GAD2: variants seen among roughly 807,000 people sequenced by gnomAD.
GAD2 encodes glutamate decarboxylase 2, also known as 65 kDa glutamic acid decarboxylase.
A neutral mutation model predicts 80.1 loss-of-function variants in GAD2; 22 were observed. That is an observed-to-expected ratio of 0.27 (90% CI 0.20 to 0.39). GAD2 has a LOEUF of 0.39. Among genes scored for constraint, GAD2 ranks in the 10% least tolerant of loss-of-function variants. GAD2 has a pLI of 1.00. For missense variants in GAD2, 624 were observed against 738.4 expected (o/e 0.85, Z 1.80); for synonymous variants, 274 against 256.9 (o/e 1.07, Z -0.64).
rs374776089 is a variant in GAD2, at chr10:26,269,482, G to A, written c.975+309G>A. Among the ~76,000 whole-genome samples, 7 of 152,332 alleles carry A rather than the reference G, an allele frequency of 4.6e-5. No individual in the cohort carries two copies. In the East Asian group the frequency reaches 9.6e-4, roughly 21 times the overall value. ...CATTTGAAAGAATATTTTCAGAGGCGGGGAAATAGCAGAATGCTAATGCAG... is the reference window on the plus strand; with the variant it reads ...CATTTGAAAGAATATTTTCAGAGGCAGGGAAATAGCAGAATGCTAATGCAG... On this transcript the variant is annotated intron_variant, in intron 9 of 15. Coordinates refer to ENST00000376261, the MANE Select transcript of GAD2 (RefSeq NM_001134366.2).
intron 8 of GAD2, among the ~76,000 whole-genome samples, chr10:26,258,061 A>G (rs1164433452): frequency 6.6e-6 from 1 of 152,216 alleles, no homozygotes; most frequent in Non-Finnish European, 1.5e-5. Flanking sequence ...GCCCTATCTC[A>G]GGAAGGACTA....
chr10:26,280,886 A>G lies in GAD2; in HGVS notation c.1158-123A>G. 3 of 606,404 alleles carry G rather than the reference A, an allele frequency of 4.9e-6. No individual in the cohort carries two copies. In the East Asian group the frequency reaches 8.6e-5, roughly 17 times the overall value. 37.6% of individuals were successfully genotyped at this position (606,404 alleles called of 1,614,324 possible). ...TATTTAATTTTTAAAATTAAAATAA[A>G]TAAATACATTTAGTGTCAATCTGGA... On this transcript the variant is annotated intron_variant, in intron 11 of 15. Coordinates refer to ENST00000376261, the MANE Select transcript of GAD2 (RefSeq NM_001134366.2).
chr10:26,233,878 G>T (rs960677675), intron 7 of GAD2, among the ~76,000 whole-genome samples: 3 of 152,192 alleles, frequency 2.0e-5, no homozygotes, highest in African/African-American at 4.8e-5. Context: ...CATGGGTCAA[G>T]ACAGACGCTG....
rs1338955637 is a variant in GAD2 at position 26,304,027 on chromosome 10, C to G, written c.*3066C>G. The G allele has an allele frequency of 6.6e-6, 1 of 152,154 alleles. No homozygotes were observed. Among genetic ancestry groups the G allele is most frequent in the Non-Finnish European group, 1.5e-5 (1 of 68,028 alleles). 9.4% of individuals were successfully genotyped at this position (152,154 alleles called of 1,614,324 possible). A position where few individuals can be genotyped will look rare whatever the true frequency, so the allele number is the denominator to read the frequency against. ...TAACTATATGCCCTCCACATCGGCT[C>G]TAATAGAGAACATGCCCTCAGCTAA... On this transcript the variant is annotated 3_prime_UTR_variant, in exon 16 of 16. Transcript: ENST00000376261.
At chr10:26,225,161 G>GCT (rs1844504825) in intron 6 of GAD2, among the ~76,000 whole-genome samples, 1 of 152,194 alleles carries the variant, frequency 6.6e-6, no homozygotes, top group Non-Finnish European at 1.5e-5. Flanking sequence ...AGAACGCTTT[G>GCT]GGAGAGAATT....
At position 26,286,365 on chromosome 10, in the gene GAD2, C is replaced by T. The variant is rs770247615; in HGVS notation, c.1257C>T (p.Asn419=). 2.2e-5 allele frequency: 35 copies of T among 1,613,358 alleles called. No homozygotes were observed. Among genetic ancestry groups the T allele is most frequent in the Non-Finnish European group, 2.8e-5 (33 of 1,179,814 alleles). Reference sequence around the variant, plus strand: ...TGTAGGGATTGATGCAGAATTGCAACCAAATGCATGCCTCCTACCTCTTTC... The same window carrying T: ...TGTAGGGATTGATGCAGAATTGCAATCAAATGCATGCCTCCTACCTCTTTC... The part of the protein sequence containing the change: ...VREEGLMQNC[N]QMHASYLFQQ... The change falls in exon 13 of 16, where the codon AAC becomes AAT. Residue 419 remains asparagine (N), a synonymous_variant. Coordinates refer to ENST00000376261, the MANE Select transcript of GAD2 (RefSeq NM_001134366.2).
intron 7 of GAD2, among the ~76,000 whole-genome samples, chr10:26,238,973 G>A (rs1366835855): frequency 1.3e-5 from 2 of 151,670 alleles, no homozygotes; most frequent in East Asian, 1.9e-4. Flanking sequence ...GATTGGCCCC[G>A]GGGGATGGTG....
intron 15 of GAD2, among the ~76,000 whole-genome samples, chr10:26,293,271 G>A (rs896143842): frequency 1.4e-5 from 2 of 142,154 alleles, no homozygotes; most frequent in Non-Finnish European, 3.0e-5. Context: ...TCCACCTCCC[G>A]GGTTCAAGCG....
At chr10:26,220,081 A>G (rs183021240) in intron 4 of GAD2, among the ~76,000 whole-genome samples, 1 of 152,232 alleles carries the variant, frequency 6.6e-6, no homozygotes, top group Admixed American at 6.5e-5. Flanking sequence ...CTTTCATGTT[A>G]TCTACACAAA....
chr10:26,242,470 C>T (rs546091724), intron 7 of GAD2, among the ~76,000 whole-genome samples: 144 of 152,224 alleles, frequency 9.5e-4, no homozygotes, highest in Non-Finnish European at 1.7e-3. Context: ...GTGGTCTCGC[C>T]GGCCCAGAGA....
chr10:26,288,556 G>A (rs566421961), intron 13 of GAD2, among the ~76,000 whole-genome samples: 2 of 152,152 alleles, frequency 1.3e-5, no homozygotes, highest in Non-Finnish European at 2.9e-5. Context: ...AAGTATTGAT[G>A]TACCTCCAAG....
intron 15 of GAD2, among the ~76,000 whole-genome samples, chr10:26,298,976 G>A (rs1834302079): frequency 6.6e-6 from 1 of 152,142 alleles, no homozygotes; most frequent in South Asian, 2.1e-4. Context: ...TAATGCTTTA[G>A]GTGAAAGAAG....
upstream of GAD2, chr10:26,216,740 C>A: frequency 1.4e-6 from 2 of 1,397,756 alleles, no homozygotes; most frequent in Non-Finnish European, 2.0e-6. This position sits in a 1 kb window ranked among gnomAD's most constrained non-coding sequence, Gnocchi z 4.7. Flanking sequence ...CACGCGCGCG[C>A]AGGGCCAAGC....
intron 6 of GAD2, among the ~76,000 whole-genome samples, chr10:26,228,248 A>C (rs560097864): frequency 6.6e-6 from 1 of 152,294 alleles, no homozygotes; most frequent in African/African-American, 2.4e-5. Context: ...ACTTCCCAAC[A>C]GCCCTGCATT....
chr10:26,299,197 G>C (rs1047773288), intron 15 of GAD2, among the ~76,000 whole-genome samples: 2 of 152,186 alleles, frequency 1.3e-5, no homozygotes, highest in African/African-American at 2.4e-5. Flanking sequence ...TGGGAACATT[G>C]CTATTTTATG....
intron 15 of GAD2, 134 bp downstream of exon 15, chr10:26,293,125 T>A: frequency 1.6e-6 from 1 of 621,130 alleles, no homozygotes; most frequent in Non-Finnish European, 2.9e-6. Context: ...TGTGGACTCC[T>A]ACAGAGCCAG....
At chr10:26,255,582 G>A (rs1021211456) in intron 8 of GAD2, among the ~76,000 whole-genome samples, 54 of 134,588 alleles carry the variant, frequency 4.0e-4, no homozygotes, top group Admixed American at 1.4e-3. Flanking sequence ...CACTAGAGAG[G>A]AAATGTGAAT....
At chr10:26,222,812 C>G (rs1241732809) in intron 4 of GAD2, among the ~76,000 whole-genome samples, 1 of 152,230 alleles carries the variant, frequency 6.6e-6, no homozygotes, top group Non-Finnish European at 1.5e-5. Flanking sequence ...TTCCCCATTG[C>G]CTTCCTTTAT....
Position 26,245,389 on chromosome 10 carries a change from A to T in GAD2, c.841-532A>T, listed in dbSNP as rs540718559. Among the ~76,000 whole-genome samples, 10 of 151,896 alleles carry T rather than the reference A, an allele frequency of 6.6e-5. No individual in the cohort carries two copies. The South Asian group carries it at 1.0e-3, about 16-fold the overall frequency. ...CTGGAACTTAAAATAAAAATAAAAA[A>T]AAAATAAATAAAAACGGTTAAGATG... On this transcript the variant is annotated intron_variant, in intron 7 of 15. Transcript: ENST00000376261.
Sources: gnomAD v4.1 joint callset for allele counts (sites outside exome capture counted in the v4.1 genomes callset) on GRCh38, gnomAD v4.1.1 for gene constraint, Gnocchi (gnomAD v3.1) non-coding constraint, MANE v1.5 for transcripts, NCBI Gene and HGNC (gene_info 2026-07-23, HGNC 2026-07-21) for gene names.